SLC7A6: variants seen among roughly 807,000 people sequenced by gnomAD.
The protein encoded by SLC7A6 is Y+L amino acid transporter 2.
In SLC7A6, 29 loss-of-function variants were observed where a neutral mutation model predicts 46.6. The ratio of observed to expected loss-of-function variants is 0.62; its 90% confidence interval spans 0.46 to 0.85. The LOEUF is 0.85. Ranked by LOEUF, SLC7A6 falls within the 40% of genes least tolerant of loss-of-function variation. The probability of loss-of-function intolerance (pLI) is 0.00; values close to 1 mark genes in which losing one functional copy is unlikely to be tolerated. For synonymous variants in SLC7A6, 276 were observed against 257.3 expected, an observed-to-expected ratio of 1.07 and a Z score of -0.70; for missense variants, 527 against 647.6, an observed-to-expected ratio of 0.81 and a Z score of 2.02.
At chr16:68,294,913 G>T in intron 8 of SLC7A6, 112 bp downstream of exon 8, 1 of 673,356 alleles carries the variant, frequency 1.5e-6, no homozygotes, top group Non-Finnish European at 2.6e-6. Flanking sequence ...TCTAAGATGT[G>T]AAAAACAGTT....
intron 4 of SLC7A6, among the ~76,000 whole-genome samples, chr16:68,288,878 G>T (rs1044151390): frequency 6.8e-6 from 1 of 147,186 alleles, no homozygotes; most frequent in Non-Finnish European, 1.5e-5. Context: ...GCAGGAGAAT[G>T]GCTTGAAAAC....
intron 2 of SLC7A6, 121 bp from the exon 3 acceptor site, chr16:68,274,570 T>C (rs2042675678): frequency 1.3e-6 from 1 of 759,910 alleles, no homozygotes; most frequent in African/African-American, 1.8e-5. Context: ...GACAGGCCTA[T>C]TGTAGTTAGG....
At chr16:68,280,653 C>CA (rs2151220240) in intron 3 of SLC7A6, among the ~76,000 whole-genome samples, 1 of 151,850 alleles carries the variant, frequency 6.6e-6, no homozygotes, top group African/African-American at 2.4e-5. Context: ...AGGCTGGTCT[C>CA]AAACTCCTGG....
chr16:68,287,636 G>A, intron 3 of SLC7A6, 110 bp from the exon 4 acceptor site: 3 of 1,540,026 alleles, frequency 1.9e-6, no homozygotes, highest in South Asian at 1.2e-5. Context: ...TGGTCCATTG[G>A]CCCCTTTGCC....
intron 2 of SLC7A6, among the ~76,000 whole-genome samples, chr16:68,272,005 A>G (rs2151215079): frequency 6.6e-6 from 1 of 152,058 alleles, no homozygotes; most frequent in South Asian, 2.1e-4. Flanking sequence ...GGGTTTCACC[A>G]TGTTGGCCAG....
In SLC7A6 at chr16:68,266,705, C is replaced by T. The variant is rs1261667042; in HGVS notation, c.-53C>T. The stretch of plus-strand genomic sequence containing the variant: ...AGGTGGCTTATGAAAGTGTGATGTT[C>T]GCGTATTTCTTGACAGGTGAATATT... On this transcript the variant is annotated 5_prime_UTR_variant, in exon 2 of 11. Coordinates refer to ENST00000219343, the MANE Select transcript of SLC7A6 (RefSeq NM_003983.6). 6.6e-6 allele frequency: 1 copy of T among 151,904 alleles called. No homozygotes were observed. Among genetic ancestry groups the T allele is most frequent in the African/African-American group, 2.4e-5 (1 of 41,346 alleles). 9.4% of individuals were successfully genotyped at this position (151,904 alleles called of 1,614,324 possible).
intron 3 of SLC7A6, among the ~76,000 whole-genome samples, chr16:68,285,936 A>AT (rs954683420): frequency 8.0e-5 from 12 of 150,740 alleles, no homozygotes; most frequent in Admixed American, 2.0e-4. Flanking sequence ...CTACAAAATA[A>AT]TTTTTTTTTA....
Position 68,274,969 on chromosome 16 carries a change from G to T in SLC7A6, c.243G>T (p.Leu81=), listed in dbSNP as rs144925208. ...ACACTGCCTCCTATGGGATGTCACT[G>T]ATTGTGTGGGCCATTGGTGGGCTCT... is the stretch of plus-strand genomic sequence containing the variant. ...LVHTASYGMS[L]IVWAIGGLFS... The change falls in exon 3 of 11, where the codon CTG becomes CTT. Residue 81 remains leucine, a synonymous_variant. Transcript: ENST00000219343. The T allele has an allele frequency of 4.8e-5, 78 of 1,614,092 alleles. No individual in the cohort carries two copies. Among genetic ancestry groups the T allele is most frequent in the Non-Finnish European group, 6.2e-5 (73 of 1,180,052 alleles).
At chr16:68,266,191 C>T (rs1862872473) in intron 1 of SLC7A6, among the ~76,000 whole-genome samples, 2 of 151,944 alleles carry the variant, frequency 1.3e-5, no homozygotes, top group East Asian at 1.9e-4. Flanking sequence ...ACCCGGGAGG[C>T]GGAGGTTGCA....
chr16:68,280,205 G>C (rs1390060076), intron 3 of SLC7A6, among the ~76,000 whole-genome samples: 1 of 152,202 alleles, frequency 6.6e-6, no homozygotes, highest in African/African-American at 2.4e-5. Flanking sequence ...ACTGAATCTA[G>C]GGTAAGACTT....
At position 68,300,875 on chromosome 16, in the gene SLC7A6, A is replaced by C; in HGVS notation, c.*3547A>C. Reference sequence around the variant, plus strand: ...ATCAAAAGGAACAGGGTTTTCCTAGAGGCAGGCAGCCTGGTGGTATGGCAC... The same window carrying C: ...ATCAAAAGGAACAGGGTTTTCCTAGCGGCAGGCAGCCTGGTGGTATGGCAC... On this transcript the variant is annotated 3_prime_UTR_variant, in exon 11 of 11. Coordinates refer to ENST00000219343, the MANE Select transcript of SLC7A6 (RefSeq NM_003983.6). 2 of 989,962 alleles carry C rather than the reference A, an allele frequency of 2.0e-6. No homozygotes were observed. The highest frequency in any genetic ancestry group is 2.4e-6 in the Non-Finnish European group (2 of 833,062). The allele number at this position is 989,962 out of a possible 1,614,324, so 61.3% of individuals were successfully genotyped here.
chr16:68,286,746 A>G (rs1279450357), intron 3 of SLC7A6, among the ~76,000 whole-genome samples: 2 of 152,148 alleles, frequency 1.3e-5, no homozygotes, highest in Admixed American at 6.5e-5. Context: ...ACGTGAGCCT[A>G]GGGAGTACTC....
In SLC7A6 at chr16:68,301,660, C is replaced by T. The variant is rs150145028; in HGVS notation, c.*4332C>T. 2.4e-5 allele frequency: 7 copies of T among 294,760 alleles called. No individual in the cohort carries two copies. The highest frequency in any genetic ancestry group is 1.3e-4 in the African/African-American group (6 of 45,916). 18.3% of individuals were successfully genotyped at this position (294,760 alleles called of 1,614,324 possible). A position where few individuals can be genotyped will look rare whatever the true frequency, so the allele number is the denominator to read the frequency against. ...GGAGTATTTTGTCACTTCTCCCCTC[C>T]GTATAGGATTTTTTGTTGTTGTAAG... On this transcript the variant is annotated 3_prime_UTR_variant, in exon 11 of 11. Transcript: ENST00000219343.
intron 3 of SLC7A6, chr16:68,287,471 A>T (rs1014052318): frequency 1.5e-6 from 2 of 1,351,350 alleles, no homozygotes; most frequent in Non-Finnish European, 1.9e-6. Context: ...CCTGGGGGGA[A>T]TTCCCAGAAA....
intron 1 of SLC7A6, among the ~76,000 whole-genome samples, chr16:68,265,116 C>G (rs1324589871): frequency 6.6e-6 from 1 of 152,198 alleles, no homozygotes; most frequent in Non-Finnish European, 1.5e-5. Flanking sequence ...GGGGCTGTCG[C>G]AAGAATGACG....
chr16:68,281,576 A>G (rs1268607626), intron 3 of SLC7A6, among the ~76,000 whole-genome samples: 3 of 152,164 alleles, frequency 2.0e-5, no homozygotes, highest in Non-Finnish European at 4.4e-5. Flanking sequence ...CAGGCTGCTG[A>G]CTGAACTCAG....
rs1291640026 is a variant in SLC7A6, at chr16:68,290,382, C to G, written c.650-14C>G. ...CCTTCTCTCTGAACCCCTCACCTGCCTTTGCCCCCACAGGACACTCTGAGC... is the reference window on the plus strand; with the variant it reads ...CCTTCTCTCTGAACCCCTCACCTGCGTTTGCCCCCACAGGACACTCTGAGC... On this transcript the variant is annotated splice_polypyrimidine_tract_variant and intron_variant, in intron 4 of 10. Transcript: ENST00000219343. The G allele has an allele frequency of 1.5e-5, 24 of 1,613,780 alleles. No individual in the cohort carries two copies. Among genetic ancestry groups the G allele is most frequent in the African/African-American group, 2.7e-5 (2 of 74,962 alleles).
At chr16:68,289,515 A>AG (rs2043005538) in intron 4 of SLC7A6, among the ~76,000 whole-genome samples, 1 of 152,134 alleles carries the variant, frequency 6.6e-6, no homozygotes. Flanking sequence ...CCCTGAGGAC[A>AG]GGGGTCTCTA....
At chr16:68,295,041 G>A (rs904244215) in intron 8 of SLC7A6, 31 of 391,928 alleles carry the variant, frequency 7.9e-5, no homozygotes, top group Non-Finnish European at 1.3e-4. Context: ...ATTTTTTCTC[G>A]AATGGCAGCC....
Sources: allele counts gnomAD v4.1 joint callset (sites outside exome capture counted in the v4.1 genomes callset), GRCh38; gene constraint gnomAD v4.1.1; transcripts MANE v1.5; gene names NCBI Gene and HGNC (gene_info 2026-07-23, HGNC 2026-07-21).